NEGR1: variants seen among roughly 807,000 people sequenced by gnomAD.
NEGR1 encodes IgLON family member 4.
NEGR1 carries 10 observed loss-of-function variants against 40.9 expected under a neutral mutation model. The ratio of observed to expected loss-of-function variants is 0.24; its 90% CI spans 0.15 to 0.42. The LOEUF is 0.42. Among genes scored for constraint, NEGR1 ranks in the 10% least tolerant of loss-of-function variants. The pLI is 1.00. For synonymous variants in NEGR1, 185 were observed against 166.8 expected (o/e 1.11, Z -0.84); for missense variants, 352 against 438.9 (o/e 0.80, Z 1.77).
intron 2 of NEGR1, among the ~76,000 whole-genome samples, chr1:71,886,548 C>A (rs1660729283): frequency 6.6e-6 from 1 of 151,744 alleles, no homozygotes. Flanking sequence ...TAATATCTAA[C>A]CAGGTGAATT....
chr1:71,790,427 T>C (rs1207337393), intron 2 of NEGR1, among the ~76,000 whole-genome samples: 1 of 152,112 alleles, frequency 6.6e-6, no homozygotes, highest in Non-Finnish European at 1.5e-5. Flanking sequence ...AACACACAGA[T>C]GTTATTTTGC....
rs114597236 is a variant in NEGR1 at position 72,221,782 on chromosome 1, A to C, written c.176+60537T>G. On this transcript the variant is annotated intron_variant, in intron 1 of 6. Transcript: ENST00000357731. ...ATCACGTCTATAAATAGTTTTCTAAAGCACCAATTATGATACAAGATTTAG... is the reference window on the plus strand; with the variant it reads ...ATCACGTCTATAAATAGTTTTCTAACGCACCAATTATGATACAAGATTTAG... Among the ~76,000 whole-genome samples, 1,142 of 152,258 alleles carry C rather than the reference A, an allele frequency of 7.5e-3. 15 individuals carry two copies. The highest frequency in any genetic ancestry group is 0.026 in the African/African-American group (1,100 of 41,560).
chr1:72,118,657 C>A (rs1299735837), intron 1 of NEGR1, among the ~76,000 whole-genome samples: 1 of 151,786 alleles, frequency 6.6e-6, no homozygotes, highest in Non-Finnish European at 1.5e-5. Flanking sequence ...GAGTCTGATT[C>A]TCTGGCCCTT....
chr1:71,543,140 T>C (rs1377859252), intron 6 of NEGR1, among the ~76,000 whole-genome samples: 1 of 151,710 alleles, frequency 6.6e-6, no homozygotes, highest in Non-Finnish European at 1.5e-5. Context: ...TCTTGGCAAA[T>C]GGTAGGTACT....
intron 2 of NEGR1, among the ~76,000 whole-genome samples, chr1:71,811,425 A>G (rs995825542): frequency 6.6e-6 from 1 of 151,958 alleles, no homozygotes; most frequent in Non-Finnish European, 1.5e-5. Flanking sequence ...ATTCAGATCC[A>G]ATGTCACCTC....
At chr1:72,062,043 TTTA>T (rs1185722042) in intron 1 of NEGR1, among the ~76,000 whole-genome samples, 1 of 151,894 alleles carries the variant, frequency 6.6e-6, no homozygotes, top group Non-Finnish European at 1.5e-5. Context: ...TAGCCAGCAC[TTTA>T]TTGCATCAGG....
At chr1:71,702,933 G>A (rs1352741871) in intron 3 of NEGR1, among the ~76,000 whole-genome samples, 1 of 152,118 alleles carries the variant, frequency 6.6e-6, no homozygotes. Flanking sequence ...TGGAATTCAG[G>A]TAGACCAAGG....
At chr1:72,062,634 T>A (rs767814897) in intron 1 of NEGR1, among the ~76,000 whole-genome samples, 15 of 151,954 alleles carry the variant, frequency 9.9e-5, no homozygotes, top group Non-Finnish European at 4.4e-5. Flanking sequence ...CATGTGTATC[T>A]TCCTATAGTC....
At chr1:71,719,535 C>T (rs1356326870) in intron 3 of NEGR1, among the ~76,000 whole-genome samples, 1 of 151,868 alleles carries the variant, frequency 6.6e-6, no homozygotes, top group African/African-American at 2.4e-5. Flanking sequence ...CTGGTGACGT[C>T]ACACTAGCAG....
At chr1:72,196,795 A>G (rs905248423) in intron 1 of NEGR1, among the ~76,000 whole-genome samples, 3 of 151,816 alleles carry the variant, frequency 2.0e-5, no homozygotes, top group African/African-American at 7.3e-5. Context: ...AAGAGAAAAA[A>G]TGACTTACAT....
chr1:71,882,726 G>GA (rs199916045), intron 2 of NEGR1, among the ~76,000 whole-genome samples: 52,445 of 120,094 alleles, frequency 0.44, 10,028 homozygotes, highest in East Asian at 0.64. Context: ...ATCGTCTTCA[G>GA]AAAAAAAAAA....
At chr1:71,953,295 A>T (rs1646088552) in intron 1 of NEGR1, among the ~76,000 whole-genome samples, 1 of 151,944 alleles carries the variant, frequency 6.6e-6, no homozygotes, top group Non-Finnish European at 1.5e-5. Flanking sequence ...AGAGGTCAAA[A>T]TATCAAGTGA....
chr1:72,138,049 A>T (rs1264792560), intron 1 of NEGR1, among the ~76,000 whole-genome samples: 1 of 151,862 alleles, frequency 6.6e-6, no homozygotes, highest in Non-Finnish European at 1.5e-5. Context: ...ACACTCCAAG[A>T]TATGCTGAAA....
Position 71,399,306 on chromosome 1 carries a change from C to A in NEGR1, c.*8140G>T. On this transcript the variant is annotated 3_prime_UTR_variant, in exon 7 of 7. Transcript: ENST00000357731. Reference sequence around the variant, plus strand: ...AAAAAAACCCAGTCTTTCTCCTTGTCAACATTTAAAGTTATTAGACAGTAA... The same window carrying A: ...AAAAAAACCCAGTCTTTCTCCTTGTAAACATTTAAAGTTATTAGACAGTAA... 1 of 151,506 alleles carries A rather than the reference C, an allele frequency of 6.6e-6. No homozygotes were observed. Among genetic ancestry groups the A allele is most frequent in the Non-Finnish European group, 1.5e-5 (1 of 67,912 alleles). The allele number at this position is 151,506 out of a possible 1,614,324, so 9.4% of individuals were successfully genotyped here.
In NEGR1 at chr1:71,816,846, G is replaced by A. The variant is rs146399320; in HGVS notation, c.410-40549C>T. ...ATCAAAGGGCAGCCCTTCAAACTGT[G>A]CTTGTATTACATCCCTTATGGCCTC... On this transcript the variant is annotated intron_variant, in intron 2 of 6. Transcript: ENST00000357731. Among the ~76,000 whole-genome samples, 21 of 151,842 alleles carry A rather than the reference G, an allele frequency of 1.4e-4. No homozygotes were observed. The East Asian group carries it at 3.7e-3, about 27-fold the overall frequency.
chr1:72,129,798 C>T (rs1195991214), intron 1 of NEGR1, among the ~76,000 whole-genome samples: 1 of 152,176 alleles, frequency 6.6e-6, no homozygotes, highest in Non-Finnish European at 1.5e-5. Flanking sequence ...TCCCTCACTG[C>T]TTTTGTTCTC....
chr1:71,695,347 A>C (rs1653442000), intron 4 of NEGR1, among the ~76,000 whole-genome samples: 1 of 151,764 alleles, frequency 6.6e-6, no homozygotes, highest in Non-Finnish European at 1.5e-5. Flanking sequence ...TGATTGTTTA[A>C]ATCATTTGAA....
intron 1 of NEGR1, among the ~76,000 whole-genome samples, chr1:72,189,842 GA>G (rs777007469): frequency 5.3e-5 from 8 of 151,542 alleles, no homozygotes; most frequent in Non-Finnish European, 1.2e-4. Context: ...ATTTGCTGAA[GA>G]ACACAGATGA....
At chr1:72,024,325 G>C (rs1646788373) in intron 1 of NEGR1, among the ~76,000 whole-genome samples, 1 of 151,742 alleles carries the variant, frequency 6.6e-6, no homozygotes, top group Admixed American at 6.6e-5. Context: ...CTTAGTTTGA[G>C]CAAGAGATGT....
Sources: gnomAD v4.1 joint callset for allele counts (sites outside exome capture counted in the v4.1 genomes callset) on GRCh38, gnomAD v4.1.1 for gene constraint, MANE v1.5 for transcripts, NCBI Gene and HGNC (gene_info 2026-07-23, HGNC 2026-07-21) for gene names.